The following VIP variants were observed in gnomAD, a reference collection of about 807,000 sequenced individuals.
The protein encoded by VIP is VIP peptides.
Under a neutral mutation model 20.1 loss-of-function variants are expected in VIP, and 18 were observed. The ratio of observed to expected loss-of-function variants is 0.90; its 90% confidence interval spans 0.62 to 1.33. The LOEUF (loss-of-function observed/expected upper bound fraction) is 1.33. Among genes scored for constraint, VIP ranks in the 40% most tolerant of loss-of-function variants. VIP has a pLI of 0.00. For missense variants in VIP, 209 were observed against 199.4 expected (o/e 1.05, Z -0.29); for synonymous variants, 70 against 68.1 (o/e 1.03, Z -0.14).
At position 152,752,244 on chromosome 6, in the gene VIP, A is replaced by C; in HGVS notation, c.67A>C (p.Thr23Pro). 1 of 1,613,526 alleles carries C rather than the reference A, an allele frequency of 6.2e-7. No individual in the cohort carries two copies. The highest frequency in any genetic ancestry group is 8.5e-7 in the Non-Finnish European group (1 of 1,179,678). ...LTLLSVLFSQ[T>P]SAWPLYRAPS... ...TCTTCTCAGTGTGCTCTTCTCACAG[A>C]CTTCGGCATGGCCTCTTTACAGGGC... The change falls in exon 2 of 7, where the codon ACT becomes CCT. Residue 23 changes from threonine (T) to proline (P), a missense_variant. Transcript: ENST00000367244.
intron 1 of VIP, 144 bp from the exon 2 acceptor site, chr6:152,752,024 T>C (rs2099729726): frequency 1.7e-6 from 1 of 574,458 alleles, no homozygotes; most frequent in Admixed American, 3.0e-5. Flanking sequence ...GAATGTATCA[T>C]CTTGCAATTT....
In VIP at chr6:152,750,829, C is replaced by T. The variant is rs116071064; in HGVS notation, c.-141C>T. On this transcript the variant is annotated 5_prime_UTR_variant, in exon 1 of 7. Transcript: ENST00000367244. The stretch of plus-strand genomic sequence containing the variant: ...AGTGAGAAGCACCAGCAGGCAGTAA[C>T]AGCCAACCCTTAGCCATTGCTAAGG... 6.6e-6 allele frequency: 1 copy of T among 152,336 alleles called. No individual in the cohort carries two copies. Among genetic ancestry groups the T allele is most frequent in the African/African-American group, 2.4e-5 (1 of 41,546 alleles). 9.4% of individuals were successfully genotyped at this position (152,336 alleles called of 1,614,324 possible).
chr6:152,754,022 A>T, intron 2 of VIP, 144 bp from the exon 3 acceptor site: 1 of 864,808 alleles, frequency 1.2e-6, no homozygotes, highest in Non-Finnish European at 1.7e-6. Flanking sequence ...TATATGAGCC[A>T]TTAAGTCAAA....
At chr6:152,751,679 A>C (rs541323011) in intron 1 of VIP, among the ~76,000 whole-genome samples, 58 of 152,264 alleles carry the variant, frequency 3.8e-4, no homozygotes, top group African/African-American at 1.3e-3. Flanking sequence ...ATCTTTTTTA[A>C]AATTATATGT....
chr6:152,755,078 T>C (rs773439126), intron 3 of VIP, among the ~76,000 whole-genome samples, 191 bp from the exon 4 acceptor site: 3 of 151,928 alleles, frequency 2.0e-5, no homozygotes, highest in East Asian at 1.9e-4. Flanking sequence ...GCTAGAAATA[T>C]AGGGTATATC....
At chr6:152,758,670 A>G (rs2099730775) in intron 6 of VIP, among the ~76,000 whole-genome samples, 1 of 152,024 alleles carries the variant, frequency 6.6e-6, no homozygotes, top group African/African-American at 2.4e-5. Context: ...AGTGAAAATT[A>G]CAAGTGAATC....
rs2099730067 is a variant in VIP, at chr6:152,754,158, C to T, written c.108-8C>T. 1.0e-5 allele frequency: 16 copies of T among 1,606,402 alleles called. No individual in the cohort carries two copies. The highest frequency in any genetic ancestry group is 1.4e-5 in the Non-Finnish European group (16 of 1,176,658). On this transcript the variant is annotated splice_region_variant and splice_polypyrimidine_tract_variant and intron_variant, in intron 2 of 6. Coordinates refer to ENST00000367244, the MANE Select transcript of VIP (RefSeq NM_003381.4). ...AATGTATTATTCTCGTGTAACTTTC[C>T]CCATCAGGTTGGGTGACAGAATACC...
At chr6:152,752,638 G>C (rs559660279) in intron 2 of VIP, among the ~76,000 whole-genome samples, 1 of 152,012 alleles carries the variant, frequency 6.6e-6, no homozygotes, top group African/African-American at 2.4e-5. Context: ...GTGGAAAAAA[G>C]CTGTTTAGTT....
At chr6:152,757,988 G>T (rs942722235) in intron 6 of VIP, among the ~76,000 whole-genome samples, 6 of 151,962 alleles carry the variant, frequency 3.9e-5, no homozygotes, top group African/African-American at 1.4e-4. Context: ...AAGGTTAGCA[G>T]ATTTTAAAGG....
chr6:152,757,281 T>C, intron 6 of VIP, 97 bp downstream of exon 6: 1 of 763,888 alleles, frequency 1.3e-6, no homozygotes, highest in East Asian at 2.7e-5. Flanking sequence ...TAGGGTTAAA[T>C]AGTTTCTCAT....
At chr6:152,756,390 T>C in intron 5 of VIP, 125 bp downstream of exon 5, 1 of 1,151,356 alleles carries the variant, frequency 8.7e-7, no homozygotes, top group Non-Finnish European at 1.2e-6. Context: ...TTTTCAACCT[T>C]GGCTGACATT....
intron 3 of VIP, 30 bp downstream of exon 3, chr6:152,754,318 G>A: frequency 6.4e-7 from 1 of 1,571,662 alleles, no homozygotes; most frequent in Non-Finnish European, 8.6e-7. Flanking sequence ...ACTATCCAAT[G>A]AGTTTTATTT....
intron 5 of VIP, 83 bp from the exon 6 acceptor site, chr6:152,757,013 C>T: frequency 1.5e-6 from 2 of 1,352,972 alleles, no homozygotes; most frequent in Non-Finnish European, 2.1e-6. Context: ...CAGAGAACAG[C>T]ACATTCATTA....
chr6:152,757,120 T>C lies in VIP; in HGVS notation c.492T>C (p.Phe164=), dbSNP rs1172490219. The change falls in exon 6 of 7, where the codon TTT becomes TTC. Residue 164 remains phenylalanine, a synonymous_variant. Coordinates refer to ENST00000367244, the MANE Select transcript of VIP (RefSeq NM_003381.4). ...GCAGTGAGGGAGAATCTCCCGACTT[T>C]CCAGAAGAGTTAGAAAAATGATGAA... ...KRSSEGESPD[F]PEELEK is the part of the protein sequence containing the mutation. 6.2e-7 allele frequency: 1 copy of C among 1,611,954 alleles called. No individual in the cohort carries two copies. The highest frequency in any genetic ancestry group is 2.2e-5 in the East Asian group (1 of 44,766).
chr6:152,754,261 A>G lies in VIP; in HGVS notation c.203A>G (p.Asn68Ser). The G allele has an allele frequency of 6.2e-7, 1 of 1,611,244 alleles. No individual in the cohort carries two copies. Among genetic ancestry groups the G allele is most frequent in the Non-Finnish European group, 8.5e-7 (1 of 1,178,392 alleles). The change falls in exon 3 of 7, where the codon AAT (asparagine) becomes AGT (serine). Residue 68 changes from asparagine (N) to serine (S), a missense_variant. By Grantham distance (46) the Asn-to-Ser change is conservative. Coordinates refer to ENST00000367244, the MANE Select transcript of VIP (RefSeq NM_003381.4). ...ATGTTGCAAAATGCATTAGCTGAAA[A>G]TGACACACCCTATTATGATGTATCC... ...IDMLQNALAE[N>S]DTPYYDVSRN...
At chr6:152,757,064 C>A in intron 5 of VIP, 32 bp from the exon 6 acceptor site, 1 of 1,608,604 alleles carries the variant, frequency 6.2e-7, no homozygotes, top group Non-Finnish European at 8.5e-7. Flanking sequence ...ATCTGAGAGC[C>A]TTAATATGTA....
chr6:152,759,247 T>C lies in VIP; in HGVS notation c.*381T>C, dbSNP rs557241924. On this transcript the variant is annotated 3_prime_UTR_variant, in exon 7 of 7. Coordinates refer to ENST00000367244, the MANE Select transcript of VIP (RefSeq NM_003381.4). ...AGAGCAAAATTGATGTGTTTATTTA[T>C]AGAGTGTACTTAACTATTCAGGAGA... 2 of 152,000 alleles carry C rather than the reference T, an allele frequency of 1.3e-5. No homozygotes were observed. Among genetic ancestry groups the C allele is most frequent in the Non-Finnish European group, 2.9e-5 (2 of 67,954 alleles). 9.4% of individuals were successfully genotyped at this position (152,000 alleles called of 1,614,324 possible).
At chr6:152,751,965 A>T (rs1202443316) in intron 1 of VIP, among the ~76,000 whole-genome samples, 1 of 152,122 alleles carries the variant, frequency 6.6e-6, no homozygotes, top group Admixed American at 6.5e-5. Flanking sequence ...GGTGAAAAGG[A>T]TTCTAATTTT....
At chr6:152,755,820 T>TAA (rs200063614) in intron 4 of VIP, among the ~76,000 whole-genome samples, 1 of 145,680 alleles carries the variant, frequency 6.9e-6, no homozygotes, top group Admixed American at 6.9e-5. Flanking sequence ...ATGTTTTTTT[T>TAA]AAAAAAAAAA....
Sources: gnomAD v4.1 joint callset for allele counts (sites outside exome capture counted in the v4.1 genomes callset) on GRCh38, gnomAD v4.1.1 for gene constraint, MANE v1.5 for transcripts, NCBI Gene and HGNC (gene_info 2026-07-23, HGNC 2026-07-21) for gene names.